The following DLG2 variants were observed in gnomAD, a reference collection of about 807,000 sequenced individuals.
DLG2 encodes the protein disks large homolog 2.
DLG2 carries 45 observed loss-of-function variants against 132.5 expected under a neutral mutation model. The ratio of observed to expected loss-of-function variants is 0.34; its 90% CI spans 0.27 to 0.44. The LOEUF is 0.44. DLG2 is among the 20% of genes least tolerant of loss of function. The pLI, the probability that DLG2 is intolerant of heterozygous loss-of-function variation, is 1.00. For synonymous variants in DLG2, 424 were observed against 419.6 expected (o/e 1.01, Z -0.13); for missense variants, 1,045 against 1,196.9 (o/e 0.87, Z 1.87).
intron 7 of DLG2, among the ~76,000 whole-genome samples, chr11:84,403,572 C>A (rs1799373800): frequency 6.6e-6 from 1 of 152,110 alleles, no homozygotes; most frequent in Non-Finnish European, 1.5e-5. Context: ...ATGTTCCTTC[C>A]TGATTAACCT....
chr11:84,421,287 C>G (rs2098949981), intron 7 of DLG2, among the ~76,000 whole-genome samples: 1 of 152,054 alleles, frequency 6.6e-6, no homozygotes, highest in Non-Finnish European at 1.5e-5. Flanking sequence ...TTACAGCAGC[C>G]CAAACTGATT....
intron 7 of DLG2, among the ~76,000 whole-genome samples, chr11:84,491,650 G>C (rs1031690727): frequency 1.3e-5 from 2 of 152,126 alleles, no homozygotes; most frequent in African/African-American, 4.8e-5. Flanking sequence ...GTATTCTATA[G>C]ACCATTTTAG....
At chr11:84,172,262 C>T (rs1241894851) in intron 8 of DLG2, among the ~76,000 whole-genome samples, 1 of 151,994 alleles carries the variant, frequency 6.6e-6, no homozygotes, top group Non-Finnish European at 1.5e-5. Context: ...TTATTAAAAA[C>T]TCATCATAGT....
At chr11:83,850,040 TG>T (rs1201170479) in intron 16 of DLG2, among the ~76,000 whole-genome samples, 1 of 152,036 alleles carries the variant, frequency 6.6e-6, no homozygotes, top group Non-Finnish European at 1.5e-5. Context: ...CCTGACTTAA[TG>T]GGCTCTCATC....
intron 8 of DLG2, among the ~76,000 whole-genome samples, chr11:84,175,929 C>T (rs1044292318): frequency 1.3e-5 from 2 of 152,018 alleles, no homozygotes; most frequent in Non-Finnish European, 2.9e-5. Context: ...TGTCCCCTAC[C>T]GAATGTCTGG....
intron 4 of DLG2, among the ~76,000 whole-genome samples, chr11:85,255,663 A>G (rs747490709): frequency 1.6e-4 from 24 of 152,234 alleles, no homozygotes; most frequent in Non-Finnish European, 3.1e-4. Context: ...TGGAATGCAG[A>G]CATATCTCTT....
chr11:85,212,913 A>G (rs2082339476), intron 4 of DLG2, among the ~76,000 whole-genome samples: 1 of 152,164 alleles, frequency 6.6e-6, no homozygotes, highest in South Asian at 2.1e-4. Flanking sequence ...AGAAGTAACC[A>G]GATAAAAGTA....
At chr11:85,170,917 A>G (rs1322365123) in intron 4 of DLG2, among the ~76,000 whole-genome samples, 1 of 150,956 alleles carries the variant, frequency 6.6e-6, no homozygotes, top group Non-Finnish European at 1.5e-5. Context: ...TTAGGACTCC[A>G]CAAATAAGGC....
At position 84,023,582 on chromosome 11, in the gene DLG2, C is replaced by T. The variant is rs2095458767; in HGVS notation, c.919+35733G>A. On this transcript the variant is annotated intron_variant, in intron 11 of 27. Transcript: ENST00000376104. Reference sequence around the variant, plus strand: ...AGTTGGCCATTCAATAACATGGGTTCAAATTGTATAGGCCCATTTATATGC... The same window carrying T: ...AGTTGGCCATTCAATAACATGGGTTTAAATTGTATAGGCCCATTTATATGC... Among the ~76,000 whole-genome samples, 4 of 152,040 alleles carry T rather than the reference C, an allele frequency of 2.6e-5. No individual in the cohort carries two copies. In the South Asian group the frequency reaches 8.3e-4, roughly 32 times the overall value.
At chr11:85,399,917 C>CA (rs2087869759) in intron 3 of DLG2, among the ~76,000 whole-genome samples, 1 of 152,078 alleles carries the variant, frequency 6.6e-6, no homozygotes, top group Admixed American at 6.6e-5. Context: ...CAACAAAAGC[C>CA]AAAATTGACC....
chr11:83,724,458 C>CGTGTGTGTGTGTGTGTGTGTGTGT (rs150976898), intron 18 of DLG2, among the ~76,000 whole-genome samples: 1 of 121,452 alleles, frequency 8.2e-6, no homozygotes, highest in African/African-American at 3.5e-5. Context: ...TCTCTCTCTC[C>CGTGTGTGTGTGTGTGTGTGTGTGT]GTGTGTGTGT....
rs193157717 is a variant in DLG2 at position 84,504,947 on chromosome 11, C to T, written c.519+29623G>A. ...ACTATATATAACACAAATATTTGCT[C>T]GTATTGCTATGTAATATTATGAATA... On this transcript the variant is annotated intron_variant, in intron 7 of 27. Coordinates refer to ENST00000376104, the MANE Select transcript of DLG2 (RefSeq NM_001142699.3). Among the ~76,000 whole-genome samples, 41 of 152,198 alleles carry T rather than the reference C, an allele frequency of 2.7e-4. 1 individual carries two copies. In the East Asian group the frequency reaches 6.9e-3, roughly 26 times the overall value.
intron 3 of DLG2, among the ~76,000 whole-genome samples, chr11:85,395,914 T>C (rs1488808242): frequency 2.6e-5 from 4 of 152,150 alleles, no homozygotes; most frequent in African/African-American, 2.4e-5. Context: ...AGACCAGTGG[T>C]TCTCTCAGCA....
chr11:85,127,595 G>A (rs1184543856), intron 5 of DLG2, among the ~76,000 whole-genome samples: 1 of 152,126 alleles, frequency 6.6e-6, no homozygotes, highest in Non-Finnish European at 1.5e-5. Flanking sequence ...CAAGTGCATA[G>A]TAAGCATTCA....
chr11:84,985,469 A>G (rs1045708180), intron 6 of DLG2, among the ~76,000 whole-genome samples: 1 of 152,160 alleles, frequency 6.6e-6, no homozygotes, highest in African/African-American at 2.4e-5. Flanking sequence ...TCTGGGATAC[A>G]GCAAAGGTGG....
At chr11:85,155,512 A>G (rs1447200177) in intron 4 of DLG2, among the ~76,000 whole-genome samples, 2 of 152,158 alleles carry the variant, frequency 1.3e-5, no homozygotes, top group Admixed American at 1.3e-4. Context: ...GATTCGTGGA[A>G]CATCTTTAGG....
chr11:85,419,509 T>C (rs983164474), intron 3 of DLG2, among the ~76,000 whole-genome samples: 1 of 152,238 alleles, frequency 6.6e-6, no homozygotes, highest in Non-Finnish European at 1.5e-5. Context: ...GATAATATCC[T>C]GAAGCGCAAG....
intron 3 of DLG2, among the ~76,000 whole-genome samples, chr11:85,400,819 T>C (rs186999041): frequency 0.018 from 2,732 of 151,254 alleles, 52 homozygotes; most frequent in Admixed American, 0.036. Context: ...CATTAGGAGA[T>C]ATACCTAATG....
chr11:85,224,192 T>C (rs1228875820), intron 4 of DLG2, among the ~76,000 whole-genome samples: 1 of 152,162 alleles, frequency 6.6e-6, no homozygotes, highest in African/African-American at 2.4e-5. Context: ...CTCTCCCATA[T>C]GAATTTCTAG....
Sources: allele counts gnomAD v4.1 joint callset (sites outside exome capture counted in the v4.1 genomes callset), GRCh38; gene constraint gnomAD v4.1.1; transcripts MANE v1.5; gene names NCBI Gene and HGNC (gene_info 2026-07-23, HGNC 2026-07-21).